RALGPS1: variants seen among roughly 807,000 people sequenced by gnomAD.
RALGPS1 encodes the protein ras-specific guanine nucleotide-releasing factor RalGPS1.
RALGPS1 carries 19 observed loss-of-function variants against 78.8 expected under a neutral mutation model. That is an observed-to-expected ratio of 0.24 (90% CI 0.17 to 0.35). RALGPS1 has a LOEUF of 0.35. RALGPS1 is among the 10% of genes least tolerant of loss of function. The probability of loss-of-function intolerance (pLI) is 1.00; values close to 1 mark genes in which losing one functional copy is unlikely to be tolerated. For missense variants in RALGPS1, 454 were observed against 688.3 expected, an observed-to-expected ratio of 0.66 and a Z score of 3.81; for synonymous variants, 228 against 256.3, an observed-to-expected ratio of 0.89 and a Z score of 1.06.
intron 8 of RALGPS1, among the ~76,000 whole-genome samples, chr9:127,097,253 TAGA>T (rs778998020): frequency 1.3e-5 from 2 of 152,276 alleles, no homozygotes; most frequent in Admixed American, 6.5e-5. Context: ...TGTTATGATG[TAGA>T]AGAAGTTTTT....
chr9:126,953,927 G>A (rs1418206024), intron 1 of RALGPS1, among the ~76,000 whole-genome samples: 1 of 152,188 alleles, frequency 6.6e-6, no homozygotes, highest in Non-Finnish European at 1.5e-5. Flanking sequence ...TGGGACTGGG[G>A]AAGGTGGGAG....
At position 127,029,833 on chromosome 9, in the gene RALGPS1, G is replaced by T. The variant is rs116352733; in HGVS notation, c.217-4598G>T. Among the ~76,000 whole-genome samples, 1,111 of 152,320 alleles carry T rather than the reference G, an allele frequency of 7.3e-3. 18 individuals are homozygous for T. Among genetic ancestry groups the T allele is most frequent in the African/African-American group, 0.025 (1,053 of 41,568 alleles). The stretch of plus-strand genomic sequence containing the variant: ...GGCCTGTCTCAGCTCACCTCAAGGC[G>T]TCTGACTCCCAGACCCCTAAGCACA... On this transcript the variant is annotated intron_variant, in intron 4 of 18. Transcript: ENST00000259351.
intron 14 of RALGPS1, among the ~76,000 whole-genome samples, chr9:127,201,784 G>A (rs1277840454): frequency 6.6e-6 from 1 of 152,182 alleles, no homozygotes; most frequent in Non-Finnish European, 1.5e-5. Context: ...TCCCTCAGAA[G>A]ACTGAGTGTC....
intron 8 of RALGPS1, among the ~76,000 whole-genome samples, chr9:127,148,502 G>T (rs1016010673): frequency 6.6e-6 from 1 of 152,250 alleles, no homozygotes; most frequent in Non-Finnish European, 1.5e-5. Flanking sequence ...ATGACTGAAT[G>T]AATGAACAAA....
intron 8 of RALGPS1, among the ~76,000 whole-genome samples, chr9:127,165,374 A>G (rs993237553): frequency 3.3e-5 from 5 of 152,264 alleles, no homozygotes; most frequent in Admixed American, 6.5e-5. Flanking sequence ...TTTGTCCTCA[A>G]ATCCCCCCGG....
intron 4 of RALGPS1, among the ~76,000 whole-genome samples, chr9:126,992,066 C>T (rs1158838782): frequency 6.6e-6 from 1 of 152,146 alleles, no homozygotes; most frequent in African/African-American, 2.4e-5. Flanking sequence ...TGTAGAAAAG[C>T]ATTTCCACCT....
At chr9:127,175,124 T>A (rs1011507465) in intron 11 of RALGPS1, among the ~76,000 whole-genome samples, 8 of 152,332 alleles carry the variant, frequency 5.3e-5, no homozygotes, top group African/African-American at 1.9e-4. Flanking sequence ...TTAGCGGGGC[T>A]GCTGCCCAGG....
intron 8 of RALGPS1, among the ~76,000 whole-genome samples, chr9:127,137,183 G>A (rs1262094494): frequency 6.6e-6 from 1 of 152,222 alleles, no homozygotes; most frequent in Non-Finnish European, 1.5e-5. Flanking sequence ...CCTGATTGTA[G>A]AGAAGGGCAT....
At chr9:127,164,020 G>A (rs1279440686) in intron 8 of RALGPS1, among the ~76,000 whole-genome samples, 1 of 151,906 alleles carries the variant, frequency 6.6e-6, no homozygotes, top group African/African-American at 2.4e-5. Flanking sequence ...TGACCTAAGA[G>A]TTATATGAGT....
At chr9:127,181,262 G>C (rs554090629) in intron 11 of RALGPS1, among the ~76,000 whole-genome samples, 1 of 152,376 alleles carries the variant, frequency 6.6e-6, no homozygotes, top group African/African-American at 2.4e-5. Context: ...CGTAATACCA[G>C]TCATAGCAGC....
In RALGPS1 at chr9:127,217,440, A is replaced by G. The variant is rs927363372; in HGVS notation, c.1645-1300A>G. ...GAAAGAGTGTGACAGAAATGCATCT[A>G]TTCACAAGGAAACATCGCAGTGACT... On this transcript the variant is annotated intron_variant, in intron 18 of 18. Transcript: ENST00000259351. 14 of 988,042 alleles carry G rather than the reference A, an allele frequency of 1.4e-5. No homozygotes were observed. The African/African-American group carries it at 2.1e-4, about 15-fold the overall frequency. The allele number at this position is 988,042 out of a possible 1,614,324, so 61.2% of individuals were successfully genotyped here.
chr9:126,928,467 T>A (rs1041228332), intron 1 of RALGPS1, among the ~76,000 whole-genome samples: 38 of 152,152 alleles, frequency 2.5e-4, no homozygotes, highest in African/African-American at 9.2e-4. Flanking sequence ...TGATGAGATA[T>A]GTGTACCAGT....
intron 5 of RALGPS1, among the ~76,000 whole-genome samples, chr9:127,046,833 G>A (rs2047834558): frequency 6.6e-6 from 1 of 151,986 alleles, no homozygotes. Flanking sequence ...TGTGCAGGCA[G>A]TTCAGAAGGC....
intron 18 of RALGPS1, chr9:127,217,782 A>G (rs2062657249): frequency 6.6e-6 from 1 of 152,040 alleles, no homozygotes; most frequent in South Asian, 2.1e-4. Flanking sequence ...GCATTTTTAA[A>G]CTTTCTTATA....
At chr9:126,974,456 AG>A (rs1363141190) in intron 3 of RALGPS1, among the ~76,000 whole-genome samples, 1 of 152,170 alleles carries the variant, frequency 6.6e-6, no homozygotes, top group Non-Finnish European at 1.5e-5. Flanking sequence ...CTTACATTTA[AG>A]GTTGAGGCTG....
intron 8 of RALGPS1, among the ~76,000 whole-genome samples, chr9:127,085,048 T>C (rs936093990): frequency 1.2e-4 from 19 of 152,174 alleles, no homozygotes; most frequent in African/African-American, 4.6e-4. Flanking sequence ...CCCATTACCA[T>C]TGTTTTCAGT....
intron 11 of RALGPS1, chr9:127,177,846 C>T (rs975624223): frequency 4.1e-5 from 63 of 1,547,502 alleles, no homozygotes; most frequent in Non-Finnish European, 5.3e-5. Flanking sequence ...CAGGTACAGC[C>T]TCCTTTCCCA....
intron 7 of RALGPS1, 70 bp downstream of exon 7, chr9:127,053,009 GC>G: frequency 1.8e-6 from 2 of 1,094,782 alleles, no homozygotes; most frequent in Non-Finnish European, 1.4e-6. Context: ...CATTCCACAA[GC>G]CCCAGCCTTT....
chr9:126,971,377 T>C (rs2040103538), intron 3 of RALGPS1, among the ~76,000 whole-genome samples: 1 of 151,908 alleles, frequency 6.6e-6, no homozygotes, highest in Non-Finnish European at 1.5e-5. Flanking sequence ...TTTTTTTTTT[T>C]ACAAACTACT....
Sources: gnomAD v4.1 joint callset for allele counts (sites outside exome capture counted in the v4.1 genomes callset) on GRCh38, gnomAD v4.1.1 for gene constraint, MANE v1.5 for transcripts, NCBI Gene and HGNC (gene_info 2026-07-23, HGNC 2026-07-21) for gene names.